ARHGEF4: variants seen among roughly 807,000 people sequenced by gnomAD.
The protein encoded by ARHGEF4 is Rho guanine nucleotide exchange factor 4.
Under a neutral mutation model 162.0 loss-of-function variants are expected in ARHGEF4, and 119 were observed. That is an observed-to-expected ratio of 0.73 (90% CI 0.63 to 0.86). The LOEUF is 0.86. Ranked by LOEUF, ARHGEF4 falls within the 40% of genes least tolerant of loss-of-function variation. The pLI is 0.00. For synonymous variants in ARHGEF4, 1,014 were observed against 979.9 expected (o/e 1.03, Z -0.65); for missense variants, 2,488 against 2,456.0 (o/e 1.01, Z -0.28).
chr2:130,942,106 G>C (rs72994171), intron 3 of ARHGEF4, among the ~76,000 whole-genome samples: 1,917 of 150,552 alleles, frequency 0.013, 38 homozygotes, highest in African/African-American at 0.043. Flanking sequence ...GAGTATATTT[G>C]ACTAGTTGAG....
intron 4 of ARHGEF4, among the ~76,000 whole-genome samples, chr2:130,993,890 T>G (rs977148458): frequency 1.3e-5 from 2 of 152,110 alleles, no homozygotes; most frequent in Non-Finnish European, 2.9e-5. Flanking sequence ...TTCAAGCAAT[T>G]CTCCTGCCTC....
chr2:130,911,817 G>A (rs1681208038), intron 1 of ARHGEF4, among the ~76,000 whole-genome samples: 1 of 152,230 alleles, frequency 6.6e-6, no homozygotes, highest in South Asian at 2.1e-4. Context: ...AGTGCCCTGG[G>A]CAGCGATGCT....
At chr2:130,931,401 C>G in intron 3 of ARHGEF4, 144 bp downstream of exon 3, 1 of 858,150 alleles carries the variant, frequency 1.2e-6, no homozygotes, top group Non-Finnish European at 1.8e-6. Flanking sequence ...AGCATGCTGC[C>G]TGGGCCACAC....
At chr2:130,993,369 A>G (rs1271385460) in intron 4 of ARHGEF4, among the ~76,000 whole-genome samples, 1 of 152,134 alleles carries the variant, frequency 6.6e-6, no homozygotes, top group East Asian at 1.9e-4. Flanking sequence ...TATGATTTCA[A>G]CCCTTTGAAA....
At chr2:130,905,099 AG>A (rs1384478988) in intron 1 of ARHGEF4, among the ~76,000 whole-genome samples, 1 of 109,100 alleles carries the variant, frequency 9.2e-6, no homozygotes, top group Non-Finnish European at 2.0e-5. Flanking sequence ...ACAAATAAAA[AG>A]TATTATTTAT....
At position 131,016,955 on chromosome 2, in the gene ARHGEF4, G is replaced by A. The variant is rs1017704448; in HGVS notation, c.3986-10990G>A. On this transcript the variant is annotated intron_variant, in intron 4 of 13. Coordinates refer to ENST00000409359, the MANE Select transcript of ARHGEF4 (RefSeq NM_001367493.1). ...AATTGTTTGGCTGCTGTTCACCAGA[G>A]GCAAAGGCACCCTCACTGAGCATTT... is the stretch of plus-strand genomic sequence containing the variant. Among the ~76,000 whole-genome samples, 6 of 152,228 alleles carry A rather than the reference G, an allele frequency of 3.9e-5. No individual in the cohort carries two copies. The East Asian group carries it at 1.2e-3, about 29-fold the overall frequency.
rs114217760 is a variant in ARHGEF4 at position 130,847,872 on chromosome 2, C to T, written c.39+10880C>T. On this transcript the variant is annotated intron_variant, in intron 1 of 13. Coordinates refer to ENST00000409359, the MANE Select transcript of ARHGEF4 (RefSeq NM_001367493.1). ...CCACTGCCCCTGGCATGAGGGCCTG[C>T]GTGCCCTGACCCTCCCCACAGCCCC... 2.9e-3 allele frequency among the ~76,000 whole-genome samples: 441 copies of T among 152,346 alleles called. 3 individuals are homozygous for T. Among genetic ancestry groups the T allele is most frequent in the African/African-American group, 0.01 (420 of 41,586 alleles).
intron 11 of ARHGEF4, 23 bp from the exon 12 acceptor site, chr2:131,044,276 G>A: frequency 6.2e-7 from 1 of 1,609,774 alleles, no homozygotes; most frequent in Middle Eastern, 1.7e-4. Context: ...TCAGCAGCCA[G>A]GGCTGAGGCC....
intron 4 of ARHGEF4, among the ~76,000 whole-genome samples, chr2:131,005,952 A>G (rs1688090114): frequency 6.6e-6 from 1 of 152,198 alleles, no homozygotes; most frequent in African/African-American, 2.4e-5. Context: ...ATAGGGAGAT[A>G]GTTCTGGATT....
At position 130,943,128 on chromosome 2, in the gene ARHGEF4, A is replaced by AATGT. The variant is rs139557705; in HGVS notation, c.3859-3380_3859-3377dup. Among the ~76,000 whole-genome samples the AATGT allele has an allele frequency of 2.2e-3, 337 of 152,266 alleles. 2 individuals are homozygous for AATGT. Among genetic ancestry groups the AATGT allele is most frequent in the African/African-American group, 7.7e-3 (319 of 41,556 alleles). Reference sequence around the variant, plus strand: ...TTAAATTTTTGCTTCATATATTTTGAATGTCTGTGGTTAGATGCATGGACA... The same window carrying AATGT: ...TTAAATTTTTGCTTCATATATTTTGAATGTATGTCTGTGGTTAGATGCATGGACA... On this transcript the variant is annotated intron_variant, in intron 3 of 13. Coordinates refer to ENST00000409359, the MANE Select transcript of ARHGEF4 (RefSeq NM_001367493.1).
chr2:130,871,633 G>GA (rs78196311), intron 1 of ARHGEF4, among the ~76,000 whole-genome samples: 6,922 of 150,484 alleles, frequency 0.046, 239 homozygotes, highest in East Asian at 0.1. Context: ...AAATTTTTAG[G>GA]AAAAAAAATC....
intron 4 of ARHGEF4, among the ~76,000 whole-genome samples, chr2:130,982,708 T>C (rs1345747715): frequency 6.6e-6 from 1 of 152,054 alleles, no homozygotes; most frequent in Non-Finnish European, 1.5e-5. Context: ...TTTATAACCT[T>C]CCTTACCAAA....
intron 4 of ARHGEF4, among the ~76,000 whole-genome samples, chr2:130,967,302 G>A (rs1360593222): frequency 6.6e-6 from 1 of 152,224 alleles, no homozygotes; most frequent in Non-Finnish European, 1.5e-5. Flanking sequence ...CTGACAGGGT[G>A]GAATTTCCAT....
chr2:131,041,743 G>A (rs1286972507), intron 9 of ARHGEF4, 72 bp from the exon 10 acceptor site: 2 of 1,564,938 alleles, frequency 1.3e-6, no homozygotes, highest in Non-Finnish European at 1.7e-6. Flanking sequence ...TCCACACGTG[G>A]GGGCTGCAGG....
At chr2:130,942,782 T>C (rs1322843249) in intron 3 of ARHGEF4, among the ~76,000 whole-genome samples, 1 of 152,238 alleles carries the variant, frequency 6.6e-6, no homozygotes, top group Non-Finnish European at 1.5e-5. Flanking sequence ...TTTAATTCCA[T>C]TGTGATAGAG....
chr2:131,017,914 AT>A, intron 4 of ARHGEF4, among the ~76,000 whole-genome samples: 1 of 152,232 alleles, frequency 6.6e-6, no homozygotes, highest in East Asian at 1.9e-4. Context: ...TCTCAGCAGG[AT>A]TTTTTTCTAG....
intron 4 of ARHGEF4, chr2:130,946,905 C>G (rs981854968): frequency 1.6e-5 from 5 of 319,970 alleles, no homozygotes; most frequent in African/African-American, 1.1e-4. Flanking sequence ...GAGCTCAAGA[C>G]CAGCCTGGGC....
chr2:130,934,461 C>CT (rs1052542166), intron 3 of ARHGEF4, among the ~76,000 whole-genome samples: 54 of 152,218 alleles, frequency 3.5e-4, no homozygotes, highest in African/African-American at 1.2e-3. Flanking sequence ...TGATTCAATT[C>CT]TTTTTTCTTT....
chr2:130,877,884 T>C (rs1678956715), intron 1 of ARHGEF4, among the ~76,000 whole-genome samples: 1 of 152,224 alleles, frequency 6.6e-6, no homozygotes, highest in Non-Finnish European at 1.5e-5. Context: ...GACTGTTTGC[T>C]TTAACCAGTG....
Sources: gnomAD v4.1 joint callset for allele counts (sites outside exome capture counted in the v4.1 genomes callset) on GRCh38, gnomAD v4.1.1 for gene constraint, MANE v1.5 for transcripts, NCBI Gene and HGNC (gene_info 2026-07-23, HGNC 2026-07-21) for gene names.